SORCS3: variants seen among roughly 807,000 people sequenced by gnomAD.
SORCS3 encodes sortilin related VPS10 domain containing receptor 3.
In SORCS3, 57 loss-of-function variants were observed where a neutral mutation model predicts 146.3. The observed-to-expected ratio is 0.39, with a 90% CI of 0.31 to 0.49. The LOEUF is 0.49. Ranked by LOEUF, SORCS3 falls within the 20% of genes least tolerant of loss-of-function variation. The pLI, the probability that SORCS3 is intolerant of heterozygous loss-of-function variation, is 0.92. For missense variants in SORCS3, 1,341 were observed against 1,575.5 expected (o/e 0.85, Z 2.52); for synonymous variants, 653 against 618.5 (o/e 1.06, Z -0.83).
At chr10:105,023,878 G>A (rs373717167) in intron 4 of SORCS3, among the ~76,000 whole-genome samples, 1 of 152,206 alleles carries the variant, frequency 6.6e-6, no homozygotes, top group East Asian at 1.9e-4. Context: ...TCTGGATAGG[G>A]ATAGGATGGT....
At chr10:104,840,032 T>A (rs1256706122) in intron 1 of SORCS3, among the ~76,000 whole-genome samples, 1 of 152,314 alleles carries the variant, frequency 6.6e-6, no homozygotes, top group African/African-American at 2.4e-5. Context: ...CAGGAATGTG[T>A]CTGCCTAGTA....
chr10:105,201,737 C>A (rs970287785), intron 16 of SORCS3, among the ~76,000 whole-genome samples: 1 of 152,134 alleles, frequency 6.6e-6, no homozygotes, highest in African/African-American at 2.4e-5. Flanking sequence ...CAATTACTCC[C>A]AAATTTCCAA....
At chr10:104,776,329 G>A (rs1429220336) in intron 1 of SORCS3, among the ~76,000 whole-genome samples, 1 of 152,090 alleles carries the variant, frequency 6.6e-6, no homozygotes, top group East Asian at 1.9e-4. Context: ...CCCCAAGGTT[G>A]GGGAATTCTT....
intron 20 of SORCS3, among the ~76,000 whole-genome samples, chr10:105,243,356 C>G (rs889151309): frequency 1.3e-5 from 2 of 152,020 alleles, no homozygotes; most frequent in African/African-American, 4.8e-5. Flanking sequence ...CAAACAGTAA[C>G]AGAGTGAGTT....
At chr10:105,209,332 G>C (rs896300066) in intron 16 of SORCS3, among the ~76,000 whole-genome samples, 1 of 151,850 alleles carries the variant, frequency 6.6e-6, no homozygotes, top group African/African-American at 2.4e-5. Context: ...TAGTAGAGAC[G>C]GGGTTTCACC....
chr10:105,039,211 A>G (rs775283610), intron 4 of SORCS3, among the ~76,000 whole-genome samples: 3 of 152,192 alleles, frequency 2.0e-5, no homozygotes, highest in Admixed American at 6.5e-5. Context: ...GTGGTAGAAT[A>G]AAATATGTTT....
rs760133370 is a variant in SORCS3, at chr10:105,217,141, C to G, written c.2734+19C>G. ...GTGGTTTGTAAGTAGGAGGCACCAT[C>G]CCCGTTTTCCCTTTGTTCCCAGTTG... On this transcript the variant is annotated intron_variant, in intron 19 of 26. Coordinates refer to ENST00000369701, the MANE Select transcript of SORCS3 (RefSeq NM_014978.3). 3.7e-6 allele frequency: 6 copies of G among 1,611,438 alleles called. No homozygotes were observed. The East Asian group carries it at 8.9e-5, about 24-fold the overall frequency.
At chr10:104,811,323 C>T (rs1299387847) in intron 1 of SORCS3, among the ~76,000 whole-genome samples, 1 of 152,202 alleles carries the variant, frequency 6.6e-6, no homozygotes, top group Non-Finnish European at 1.5e-5. Context: ...CTAAGTTGCA[C>T]ATGCAAGAGA....
intron 1 of SORCS3, among the ~76,000 whole-genome samples, chr10:104,824,995 C>T (rs11192197): frequency 0.098 from 14,964 of 152,276 alleles, 915 homozygotes; most frequent in South Asian, 0.24. Context: ...CTTCCCATCG[C>T]GGAGGCTGTC....
chr10:104,722,865 C>T (rs1242661658), intron 1 of SORCS3, among the ~76,000 whole-genome samples: 2 of 152,030 alleles, frequency 1.3e-5, no homozygotes, highest in African/African-American at 4.8e-5. Context: ...TGATTCTTCT[C>T]TCTTTTCTTC....
chr10:105,148,845 T>C (rs145775986), intron 9 of SORCS3, among the ~76,000 whole-genome samples: 7 of 152,220 alleles, frequency 4.6e-5, no homozygotes, highest in Middle Eastern at 3.4e-3. Context: ...TACTGAGTGA[T>C]AAGGTTTGGT....
At chr10:104,832,382 A>G (rs1449432428) in intron 1 of SORCS3, among the ~76,000 whole-genome samples, 1 of 152,144 alleles carries the variant, frequency 6.6e-6, no homozygotes, top group Non-Finnish European at 1.5e-5. Flanking sequence ...GTAGCATGAG[A>G]AGCTCAACAC....
intron 1 of SORCS3, among the ~76,000 whole-genome samples, chr10:104,774,599 A>G (rs1458876022): frequency 6.6e-6 from 1 of 152,182 alleles, no homozygotes; most frequent in Admixed American, 6.5e-5. Flanking sequence ...CAATTACCTG[A>G]CAAGAAAGAT....
At chr10:104,799,529 C>T (rs11599313) in intron 1 of SORCS3, among the ~76,000 whole-genome samples, 23,240 of 151,656 alleles carry the variant, frequency 0.15, 2,277 homozygotes, top group Middle Eastern at 0.28. Context: ...GAACATCACA[C>T]ACCAGGGCCT....
chr10:105,193,263 A>G (rs2056526774), intron 14 of SORCS3, among the ~76,000 whole-genome samples: 1 of 152,148 alleles, frequency 6.6e-6, no homozygotes, highest in Non-Finnish European at 1.5e-5. Flanking sequence ...CTTGCCTGAG[A>G]TTGTTTCTGT....
intron 4 of SORCS3, among the ~76,000 whole-genome samples, chr10:105,006,211 G>A (rs186267727): frequency 2.0e-4 from 31 of 152,220 alleles, no homozygotes; most frequent in Non-Finnish European, 4.0e-4. Context: ...CAAATTGCTG[G>A]GATTACAGGC....
chr10:105,152,378 A>T (rs1484951752), intron 9 of SORCS3, among the ~76,000 whole-genome samples: 1 of 152,224 alleles, frequency 6.6e-6, no homozygotes, highest in Non-Finnish European at 1.5e-5. Context: ...AGTATCTAAA[A>T]TGTCATTTCA....
chr10:105,203,585 A>G (rs1353495368), intron 16 of SORCS3, among the ~76,000 whole-genome samples: 1 of 152,142 alleles, frequency 6.6e-6, no homozygotes, highest in African/African-American at 2.4e-5. Context: ...AAGAACTGTA[A>G]AATATTTTCT....
rs573367055 is a variant in SORCS3 at position 104,885,635 on chromosome 10, T to C, written c.696-30198T>C. On this transcript the variant is annotated intron_variant, in intron 2 of 26. Coordinates refer to ENST00000369701, the MANE Select transcript of SORCS3 (RefSeq NM_014978.3). ...ATGCATAACCATGAAACAATATTTT[T>C]CGTTTTGCGTCTTTCCCATTCTCAT... Among the ~76,000 whole-genome samples, 153 of 152,316 alleles carry C rather than the reference T, an allele frequency of 1.0e-3. 1 individual carries two copies. The highest frequency in any genetic ancestry group is 3.3e-3 in the African/African-American group (139 of 41,568).
Sources: gnomAD v4.1 joint callset for allele counts (sites outside exome capture counted in the v4.1 genomes callset) on GRCh38, gnomAD v4.1.1 for gene constraint, MANE v1.5 for transcripts, NCBI Gene and HGNC (gene_info 2026-07-23, HGNC 2026-07-21) for gene names.